The following ECM1 variants were observed in gnomAD, a reference collection of about 807,000 sequenced individuals.
ECM1 encodes extracellular matrix protein 1.
A neutral mutation model predicts 57.9 loss-of-function variants in ECM1; 54 were observed. That is an observed-to-expected ratio of 0.93 (90% CI 0.75 to 1.17). The LOEUF is 1.17. ECM1 is among the 50% of genes most tolerant of loss of function. The pLI, the probability that ECM1 is intolerant of heterozygous loss-of-function variation, is 0.00. For missense variants in ECM1, 649 were observed against 688.1 expected (o/e 0.94, Z 0.64); for synonymous variants, 237 against 259.1 (o/e 0.91, Z 0.82).
intron 1 of ECM1, chr1:150,509,321 C>T (rs1161976902): frequency 1.9e-5 from 12 of 630,276 alleles, no homozygotes; most frequent in Admixed American, 4.8e-5. Flanking sequence ...GCTATCAGAC[C>T]GCCACAGGCT....
Position 150,511,010 on chromosome 1 carries a change from C to T in ECM1, c.520C>T (p.Pro174Ser). ...LDGFPPGRPS[P>S]DNLNQICLPN... is the part of the protein sequence containing the mutation. Reference sequence around the variant, plus strand: ...TGGCTTCCCCCCTGGGCGGCCTTCTCCAGACAATCTGAACCAAATCTGCCT... The same window carrying T: ...TGGCTTCCCCCCTGGGCGGCCTTCTTCAGACAATCTGAACCAAATCTGCCT... Residue 174 changes from proline to serine, a missense_variant, in exon 6 of 10, where the codon CCA becomes TCA. Physicochemically the swap from Pro to Ser is moderately conservative, Grantham distance 74. Coordinates refer to ENST00000369047, the MANE Select transcript of ECM1 (RefSeq NM_004425.4). 1 of 1,614,214 alleles carries T rather than the reference C, an allele frequency of 6.2e-7. No homozygotes were observed. The highest frequency in any genetic ancestry group is 8.5e-7 in the Non-Finnish European group (1 of 1,180,028).
At position 150,512,338 on chromosome 1, in the gene ECM1, T is replaced by G. The variant is rs200375422; in HGVS notation, c.1084-14T>G. The G allele has an allele frequency of 1.1e-5, 18 of 1,611,924 alleles. No homozygotes were observed. The East Asian group carries it at 4.0e-4, about 36-fold the overall frequency. On this transcript the variant is annotated splice_polypyrimidine_tract_variant and intron_variant, in intron 7 of 9. Transcript: ENST00000369047. ...AAGTGTCCAGCTTCTGACTTCCCTC[T>G]CTCTGGTCCACAGTGGGAGGATACC...
chr1:150,513,245 C>T lies in ECM1; in HGVS notation c.1401C>T (p.Thr467=). 2 of 1,614,198 alleles carry T rather than the reference C, an allele frequency of 1.2e-6. No individual in the cohort carries two copies. Among genetic ancestry groups the T allele is most frequent in the South Asian group, 1.1e-5 (1 of 91,064 alleles). Residue 467 remains threonine, a synonymous_variant, in exon 10 of 10, where the codon ACC becomes ACT. Transcript: ENST00000369047. ...QACCAEEEKL[T]FINDLCGPRR... Reference sequence around the variant, plus strand: ...CTTTTCTCATTCATCAGAAATTAACCTTCATCAATGATCTGTGTGGTCCCC... The same window carrying T: ...CTTTTCTCATTCATCAGAAATTAACTTTCATCAATGATCTGTGTGGTCCCC...
intron 5 of ECM1, 56 bp downstream of exon 5, chr1:150,510,238 C>CATG (rs1353197699): frequency 1.4e-5 from 22 of 1,544,178 alleles, no homozygotes; most frequent in Non-Finnish European, 1.9e-5. Context: ...TCCCCCAGAG[C>CATG]ATGGGCTTCG....
At chr1:150,510,071 G>A in intron 4 of ECM1, 31 bp from the exon 5 acceptor site, 1 of 1,613,678 alleles carries the variant, frequency 6.2e-7, no homozygotes, top group Admixed American at 1.7e-5. Flanking sequence ...GCTGATCCCT[G>A]CTCCTTGGTG....
In ECM1 at chr1:150,512,828, CTA is replaced by C. The variant is rs762015124; in HGVS notation, c.1392+17_1392+18del. 2.5e-5 allele frequency: 40 copies of C among 1,613,236 alleles called. 1 individual carries two copies. The South Asian group carries it at 4.2e-4, about 17-fold the overall frequency. On this transcript the variant is annotated intron_variant, in intron 9 of 9. Transcript: ENST00000369047. ...AGAGGAGGAGGTGAGTGTGTGGAGT[CTA>C]GTCTCCAGAGGAATGCAGGGGAGGG... is the stretch of plus-strand genomic sequence containing the variant.
rs1373497282 is a variant in ECM1, at chr1:150,513,639, G to A, written c.*172G>A. ...TGCCCTGGCCCAGGAGGGCACTGGCGTTTTCAGACACACCACAGACAAACA... is the reference window on the plus strand; with the variant it reads ...TGCCCTGGCCCAGGAGGGCACTGGCATTTTCAGACACACCACAGACAAACA... On this transcript the variant is annotated 3_prime_UTR_variant, in exon 10 of 10. Transcript: ENST00000369047. 9 of 632,512 alleles carry A rather than the reference G, an allele frequency of 1.4e-5. No individual in the cohort carries two copies. Among genetic ancestry groups the A allele is most frequent in the Admixed American group, 3.0e-5 (1 of 33,506 alleles). 39.2% of individuals were successfully genotyped at this position (632,512 alleles called of 1,614,324 possible). A position where few individuals can be genotyped will look rare whatever the true frequency, so the allele number is the denominator to read the frequency against.
rs1164431320 is a variant in ECM1 at position 150,512,566 on chromosome 1, C to G, written c.1298C>G (p.Thr433Ser). 3 of 1,612,946 alleles carry G rather than the reference C, an allele frequency of 1.9e-6. No homozygotes were observed. Among genetic ancestry groups the G allele is most frequent in the Non-Finnish European group, 2.5e-6 (3 of 1,180,010 alleles). Residue 433 changes from threonine to serine, a missense_variant, in exon 8 of 10, where the codon ACC becomes AGC. Transcript: ENST00000369047. The stretch of plus-strand genomic sequence containing the variant: ...CTCTGTGGAAACCAAAGAGTTCTCA[C>G]CAAGCAGTAAGTTGCCTAGTCCTTC... Reference protein sequence around the residue: ...GHLCGNQRVLTKHKHIPGLIH... With the variant: ...GHLCGNQRVLSKHKHIPGLIH...
Position 150,513,320 on chromosome 1 carries a change from G to C in ECM1, c.1476G>C (p.Gly492=), listed in dbSNP as rs763491329. ...DPALCCYLSP[G]DEQVNCFNIN... is the part of the protein sequence containing the mutation. ...CCCTCTGCTGTTACCTGAGTCCTGG[G>C]GATGAACAGGTCAACTGCTTCAACA... Residue 492 remains glycine (G), a synonymous_variant, in exon 10 of 10, where the codon GGG becomes GGC. Transcript: ENST00000369047. 6.2e-7 allele frequency: 1 copy of C among 1,614,216 alleles called. No homozygotes were observed. The highest frequency in any genetic ancestry group is 1.1e-5 in the South Asian group (1 of 91,090).
At position 150,510,928 on chromosome 1, in the gene ECM1, T is replaced by G. The variant is rs778791469; in HGVS notation, c.438T>G (p.Asn146Lys). 2.2e-5 allele frequency: 36 copies of G among 1,614,062 alleles called. No homozygotes were observed. In the South Asian group the frequency reaches 3.7e-4, roughly 17 times the overall value. The change falls in exon 6 of 10, where the codon AAT becomes AAG. Residue 146 changes from asparagine (N) to lysine (K), a missense_variant. By Grantham distance (94) the Asn-to-Lys change is moderately conservative. Coordinates refer to ENST00000369047, the MANE Select transcript of ECM1 (RefSeq NM_004425.4). ...GCCATCCAGAACCTGAGTCCTGGAA[T>G]GCAGCCCAGCACTGCCAACAGGACC... ...DQSHPEPESW[N>K]AAQHCQQDRS...
chr1:150,513,718 G>A lies in ECM1; in HGVS notation c.*251G>A, dbSNP rs587622180. ...TCAGTGCCTGGCCCCTGAGGCCCAC[G>A]GCCCTGCCCCCTTCACTGAGCAGAT... is the stretch of plus-strand genomic sequence containing the variant. On this transcript the variant is annotated 3_prime_UTR_variant, in exon 10 of 10. Coordinates refer to ENST00000369047, the MANE Select transcript of ECM1 (RefSeq NM_004425.4). 11 of 458,016 alleles carry A rather than the reference G, an allele frequency of 2.4e-5. No homozygotes were observed. Among genetic ancestry groups the A allele is most frequent in the African/African-American group, 1.6e-4 (8 of 51,260 alleles). 28.4% of individuals were successfully genotyped at this position (458,016 alleles called of 1,614,324 possible). A position where few individuals can be genotyped will look rare whatever the true frequency, so the allele number is the denominator to read the frequency against.
chr1:150,512,255 C>A (rs1336063521), intron 7 of ECM1, 97 bp from the exon 8 acceptor site: 3 of 1,364,598 alleles, frequency 2.2e-6, no homozygotes, highest in African/African-American at 1.5e-5. Context: ...GGGCTGGGAG[C>A]CCCTCATCTA....
chr1:150,510,148 G>A lies in ECM1; in HGVS notation c.351G>A (p.Leu117=). The A allele has an allele frequency of 6.2e-7, 1 of 1,614,028 alleles. No individual in the cohort carries two copies. The highest frequency in any genetic ancestry group is 2.2e-5 in the East Asian group (1 of 44,870). The stretch of plus-strand genomic sequence containing the variant: ...AAGCTGTCCCCCTCCAAAAAGAGCT[G>A]CCCTCTCTCCAGCACCCCAATGAAC... ...PQEAVPLQKE[L]PSLQHPNEQK... Residue 117 remains leucine (L), a synonymous_variant, in exon 5 of 10, where the codon CTG becomes CTA. Transcript: ENST00000369047.
intron 5 of ECM1, 46 bp downstream of exon 5, chr1:150,510,228 T>G: frequency 1.3e-6 from 2 of 1,562,330 alleles, no homozygotes; most frequent in South Asian, 1.1e-5. Context: ...CTCATGGCCT[T>G]CCCCCAGAGC....
chr1:150,512,019 T>C (rs1342083493), intron 7 of ECM1, among the ~76,000 whole-genome samples, 188 bp downstream of exon 7: 1 of 151,424 alleles, frequency 6.6e-6, no homozygotes, highest in East Asian at 2.0e-4. Context: ...AGCTTCGTAC[T>C]ACACTTCTGG....
intron 1 of ECM1, 51 bp from the exon 2 acceptor site, chr1:150,509,480 G>C: frequency 6.2e-7 from 1 of 1,604,422 alleles, no homozygotes. Flanking sequence ...CCTTGCTGAA[G>C]TCCAGGGAAG....
intron 9 of ECM1, 118 bp downstream of exon 9, chr1:150,512,930 TG>T: frequency 8.6e-7 from 1 of 1,164,162 alleles, no homozygotes; most frequent in Non-Finnish European, 1.3e-6. Flanking sequence ...TAATGACTAG[TG>T]GGGGAGGTGT....
At chr1:150,511,402 C>T (rs1670435812) in intron 6 of ECM1, 55 bp from the exon 7 acceptor site, 2 of 1,613,302 alleles carry the variant, frequency 1.2e-6, no homozygotes, top group Non-Finnish European at 1.7e-6. Context: ...TTTCCTGGAG[C>T]CTGGGAGGAA....
At chr1:150,510,511 G>C in intron 5 of ECM1, 1 of 551,882 alleles carries the variant, frequency 1.8e-6, no homozygotes, top group Non-Finnish European at 3.2e-6. Flanking sequence ...CTACCCAGTA[G>C]ACCCACCTCT....
Sources: allele counts gnomAD v4.1 joint callset (sites outside exome capture counted in the v4.1 genomes callset), GRCh38; gene constraint gnomAD v4.1.1; transcripts MANE v1.5; gene names NCBI Gene and HGNC (gene_info 2026-07-23, HGNC 2026-07-21).